NKAIN2: variants seen among roughly 807,000 people sequenced by gnomAD.
NKAIN2 encodes sodium/potassium transporting ATPase interacting 2.
NKAIN2 carries 14 observed loss-of-function variants against 32.6 expected under a neutral mutation model. The observed-to-expected ratio is 0.43, with a 90% CI of 0.28 to 0.67. NKAIN2 has a LOEUF of 0.67. Among genes scored for constraint, NKAIN2 ranks in the 30% least tolerant of loss-of-function variants. NKAIN2 has a pLI of 0.17. For missense variants in NKAIN2, 198 were observed against 258.3 expected, an observed-to-expected ratio of 0.77 and a Z score of 1.60; for synonymous variants, 80 against 87.2, an observed-to-expected ratio of 0.92 and a Z score of 0.46.
At chr6:124,165,802 T>C (rs1391430340) in intron 1 of NKAIN2, among the ~76,000 whole-genome samples, 1 of 147,302 alleles carries the variant, frequency 6.8e-6, no homozygotes, top group Non-Finnish European at 1.5e-5. Flanking sequence ...TTACTGAGAA[T>C]GATGATTTCC....
At chr6:124,449,670 A>G (rs2114617068) in intron 3 of NKAIN2, among the ~76,000 whole-genome samples, 1 of 152,214 alleles carries the variant, frequency 6.6e-6, no homozygotes, top group South Asian at 2.1e-4. Flanking sequence ...ACACACACAC[A>G]CATACAAACA....
rs1255064751 is a variant in NKAIN2, at chr6:123,880,342, C to G, written c.54+76088C>G. On this transcript the variant is annotated intron_variant, in intron 1 of 6. Coordinates refer to ENST00000368417, the MANE Select transcript of NKAIN2 (RefSeq NM_001040214.3). Reference sequence around the variant, plus strand: ...GATAGAAGAAAGTTAAATTTCTATTCCAAATGAATGCCAAAGCTACATAAA... The same window carrying G: ...GATAGAAGAAAGTTAAATTTCTATTGCAAATGAATGCCAAAGCTACATAAA... Among the ~76,000 whole-genome samples the G allele has an allele frequency of 2.6e-5, 4 of 152,236 alleles. No individual in the cohort carries two copies. The East Asian group carries it at 7.8e-4, about 30-fold the overall frequency.
chr6:124,276,313 C>CAA, intron 1 of NKAIN2, among the ~76,000 whole-genome samples: 1 of 151,842 alleles, frequency 6.6e-6, no homozygotes, highest in Non-Finnish European at 1.5e-5. Flanking sequence ...CACACACACA[C>CAA]ACACACACAC....
intron 3 of NKAIN2, among the ~76,000 whole-genome samples, chr6:124,505,936 G>T (rs1252412003): frequency 6.6e-6 from 1 of 152,106 alleles, no homozygotes; most frequent in Non-Finnish European, 1.5e-5. Context: ...CACTTTGGGA[G>T]GCCGAGGCAG....
chr6:124,816,325 C>T (rs893966532), intron 5 of NKAIN2, among the ~76,000 whole-genome samples: 6 of 151,956 alleles, frequency 3.9e-5, no homozygotes, highest in African/African-American at 9.7e-5. Context: ...TTTAGGGCAG[C>T]GAAACTGTTA....
At position 123,932,176 on chromosome 6, in the gene NKAIN2, T is replaced by C. The variant is rs868430437; in HGVS notation, c.54+127922T>C. On this transcript the variant is annotated intron_variant, in intron 1 of 6. Coordinates refer to ENST00000368417, the MANE Select transcript of NKAIN2 (RefSeq NM_001040214.3). ...TCTTTTCCCCCGGCTTCCTAAGCTT[T>C]GGTAAGTGATTAAGACTTAGGCATT... Among the ~76,000 whole-genome samples the C allele has an allele frequency of 2.8e-4, 42 of 152,290 alleles. 1 individual carries two copies. Among genetic ancestry groups the C allele is most frequent in the South Asian group, 6.2e-4 (3 of 4,824 alleles).
rs181028135 is a variant in NKAIN2 at position 123,857,817 on chromosome 6, C to T, written c.54+53563C>T. Among the ~76,000 whole-genome samples, 5 of 151,578 alleles carry T rather than the reference C, an allele frequency of 3.3e-5. No individual in the cohort carries two copies. In the East Asian group the frequency reaches 9.7e-4, roughly 29 times the overall value. ...GCAGGCCAGAAGATCAAAGCTTATG[C>T]TTTCATAATATCATTTAACCTCTCC... On this transcript the variant is annotated intron_variant, in intron 1 of 6. Coordinates refer to ENST00000368417, the MANE Select transcript of NKAIN2 (RefSeq NM_001040214.3).
rs370897302 is a variant in NKAIN2 at position 124,647,883 on chromosome 6, A to G, written c.274-10303A>G. Reference sequence around the variant, plus strand: ...GCACATTCATCAGACTTAAGAAACTAGTGACTAACATGCTCTGTAAAACAA... The same window carrying G: ...GCACATTCATCAGACTTAAGAAACTGGTGACTAACATGCTCTGTAAAACAA... On this transcript the variant is annotated intron_variant, in intron 3 of 6. Transcript: ENST00000368417. Among the ~76,000 whole-genome samples, 35 of 152,346 alleles carry G rather than the reference A, an allele frequency of 2.3e-4. No homozygotes were observed. The East Asian group carries it at 2.5e-3, about 11-fold the overall frequency.
At chr6:124,522,034 T>C (rs1779136564) in intron 3 of NKAIN2, among the ~76,000 whole-genome samples, 1 of 152,198 alleles carries the variant, frequency 6.6e-6, no homozygotes. Flanking sequence ...ACCGGGTATT[T>C]GAACTGCTTC....
At chr6:124,647,408 G>T (rs779793861) in intron 3 of NKAIN2, among the ~76,000 whole-genome samples, 2 of 142,048 alleles carry the variant, frequency 1.4e-5, no homozygotes, top group Non-Finnish European at 3.0e-5. Context: ...TTAGCCAGAC[G>T]TGCTCACTTG....
chr6:124,269,824 G>A (rs527765637), intron 1 of NKAIN2, among the ~76,000 whole-genome samples: 3 of 151,800 alleles, frequency 2.0e-5, no homozygotes, highest in South Asian at 2.1e-4. Context: ...ACATGGTAGC[G>A]ATCTCAATAA....
chr6:124,241,599 A>G (rs1385288379), intron 1 of NKAIN2, among the ~76,000 whole-genome samples: 1 of 152,114 alleles, frequency 6.6e-6, no homozygotes, highest in Non-Finnish European at 1.5e-5. Context: ...CACATCTACA[A>G]CCATCTGATC....
chr6:123,938,583 A>T (rs548245937), intron 1 of NKAIN2, among the ~76,000 whole-genome samples: 5 of 140,898 alleles, frequency 3.5e-5, no homozygotes, highest in Non-Finnish European at 1.5e-5. Context: ...ATATATTTAT[A>T]TAGTTTTTAT....
intron 1 of NKAIN2, among the ~76,000 whole-genome samples, chr6:123,985,767 A>T (rs958137425): frequency 1.3e-5 from 2 of 152,172 alleles, no homozygotes; most frequent in Non-Finnish European, 2.9e-5. Flanking sequence ...GGGCAGGAAA[A>T]TCCTAGCCTA....
intron 2 of NKAIN2, among the ~76,000 whole-genome samples, chr6:124,291,163 T>C (rs1396440937): frequency 6.6e-6 from 1 of 152,052 alleles, no homozygotes; most frequent in Non-Finnish European, 1.5e-5. Flanking sequence ...GAATTCAGGG[T>C]TGAAAATCAT....
intron 1 of NKAIN2, among the ~76,000 whole-genome samples, chr6:123,971,814 C>G (rs554271337): frequency 1.7e-4 from 26 of 152,188 alleles, no homozygotes; most frequent in African/African-American, 6.3e-4. Context: ...AATATTAATA[C>G]GGTTGAAAGT....
intron 1 of NKAIN2, among the ~76,000 whole-genome samples, chr6:123,895,461 A>C (rs1413638630): frequency 6.6e-6 from 1 of 152,220 alleles, no homozygotes; most frequent in Non-Finnish European, 1.5e-5. Flanking sequence ...AAAACAAAGA[A>C]TCCAGCTAGC....
chr6:124,338,657 C>A (rs963803439), intron 2 of NKAIN2, among the ~76,000 whole-genome samples: 10 of 151,998 alleles, frequency 6.6e-5, no homozygotes, highest in African/African-American at 1.9e-4. Context: ...CAAAAAAAGT[C>A]TTATATTGTT....
intron 4 of NKAIN2, among the ~76,000 whole-genome samples, chr6:124,776,949 G>A (rs1188833413): frequency 6.6e-6 from 1 of 152,008 alleles, no homozygotes; most frequent in Non-Finnish European, 1.5e-5. Context: ...CTTAGTTATA[G>A]ATATTCAATT....
Sources: allele counts gnomAD v4.1 joint callset (sites outside exome capture counted in the v4.1 genomes callset), GRCh38; gene constraint gnomAD v4.1.1; transcripts MANE v1.5; gene names NCBI Gene and HGNC (gene_info 2026-07-23, HGNC 2026-07-21).